The following ZNF804B variants were observed in gnomAD, a reference collection of about 807,000 sequenced individuals.
The protein encoded by ZNF804B is zinc finger 804B.
ZNF804B carries 80 observed loss-of-function variants against 101.4 expected under a neutral mutation model. The observed-to-expected ratio is 0.79, with a 90% CI of 0.66 to 0.95. ZNF804B has a LOEUF of 0.95. Among genes scored for constraint, ZNF804B ranks in the 40% least tolerant of loss-of-function variants. The pLI is 0.00. For missense variants in ZNF804B, 1,673 were observed against 1,561.9 expected (o/e 1.07, Z -1.20); for synonymous variants, 622 against 558.8 (o/e 1.11, Z -1.59).
intron 1 of ZNF804B, among the ~76,000 whole-genome samples, chr7:88,820,857 G>T (rs375257213): frequency 6.6e-6 from 1 of 152,154 alleles, no homozygotes; most frequent in Non-Finnish European, 1.5e-5. Flanking sequence ...GAATCTGCAT[G>T]GGACCCCTCA....
intron 1 of ZNF804B, among the ~76,000 whole-genome samples, chr7:89,164,517 C>A (rs1030613415): frequency 1.3e-5 from 2 of 152,110 alleles, no homozygotes; most frequent in African/African-American, 4.8e-5. Context: ...CAGGAGTTTA[C>A]ATGAAGCTCT....
At chr7:88,784,393 T>A (rs1304757904) in intron 1 of ZNF804B, among the ~76,000 whole-genome samples, 1 of 152,146 alleles carries the variant, frequency 6.6e-6, no homozygotes, top group Non-Finnish European at 1.5e-5. Context: ...TCCTGAGCTG[T>A]GTACATAGTC....
At chr7:89,033,134 C>G (rs188654084) in intron 1 of ZNF804B, among the ~76,000 whole-genome samples, 207 of 151,996 alleles carry the variant, frequency 1.4e-3, no homozygotes, top group African/African-American at 4.8e-3. Context: ...CACTCCTACT[C>G]CCCAGCCTCT....
chr7:88,996,273 A>G (rs1248765358), intron 1 of ZNF804B, among the ~76,000 whole-genome samples: 5 of 152,136 alleles, frequency 3.3e-5, no homozygotes, highest in Non-Finnish European at 4.4e-5. Context: ...TCTGCATAGA[A>G]ATAGTGACCC....
chr7:88,847,858 G>T (rs1170858406), intron 1 of ZNF804B, among the ~76,000 whole-genome samples: 2 of 152,044 alleles, frequency 1.3e-5, no homozygotes, highest in African/African-American at 4.8e-5. Flanking sequence ...GTTCTTAGTT[G>T]GTTTGTTTTC....
At chr7:89,168,516 C>T (rs1584028772) in intron 1 of ZNF804B, among the ~76,000 whole-genome samples, 1 of 151,976 alleles carries the variant, frequency 6.6e-6, no homozygotes, top group South Asian at 2.1e-4. Flanking sequence ...CCTCAAAAGT[C>T]CTAATGGGCA....
Position 89,333,959 on chromosome 7 carries a change from A to G in ZNF804B, c.977A>G (p.Lys326Arg), listed in dbSNP as rs1348717021. The part of the protein sequence containing the change: ...DSIGIHASFS[K>R]SNIHLSDVDF... ...ATTGGCATTCATGCTTCATTCTCTA[A>G]ATCTAACATTCATCTTTCAGATGTA... The change falls in exon 4 of 4, where the codon AAA becomes AGA. Residue 326 changes from lysine to arginine, a missense_variant. Physicochemically the swap from Lys to Arg is conservative, Grantham distance 26. Transcript: ENST00000333190. 4 of 1,613,448 alleles carry G rather than the reference A, an allele frequency of 2.5e-6. No individual in the cohort carries two copies. The African/African-American group carries it at 5.3e-5, about 22-fold the overall frequency.
intron 1 of ZNF804B, among the ~76,000 whole-genome samples, chr7:88,796,939 G>T (rs987782732): frequency 3.3e-5 from 5 of 152,008 alleles, no homozygotes; most frequent in Non-Finnish European, 7.4e-5. Flanking sequence ...AAAAAACTGA[G>T]CTCCCATTCT....
chr7:89,162,131 C>CGG (rs11437449), intron 1 of ZNF804B, among the ~76,000 whole-genome samples: 1 of 151,840 alleles, frequency 6.6e-6, no homozygotes, highest in Non-Finnish European at 1.5e-5. Flanking sequence ...TTTTCAGGGG[C>CGG]GGGGGGAAGT....
At chr7:89,145,175 CTAAAA>C (rs1355778309) in intron 1 of ZNF804B, among the ~76,000 whole-genome samples, 1 of 151,692 alleles carries the variant, frequency 6.6e-6, no homozygotes, top group African/African-American at 2.4e-5. Context: ...AGACTGACAT[CTAAAA>C]TGACAATATA....
At chr7:89,179,543 G>A (rs1788264812) in intron 1 of ZNF804B, among the ~76,000 whole-genome samples, 1 of 152,102 alleles carries the variant, frequency 6.6e-6, no homozygotes, top group Non-Finnish European at 1.5e-5. Context: ...TTCCTAATCT[G>A]TGGTATCTTG....
At chr7:88,921,854 A>G (rs935902963) in intron 1 of ZNF804B, among the ~76,000 whole-genome samples, 1 of 152,110 alleles carries the variant, frequency 6.6e-6, no homozygotes, top group Non-Finnish European at 1.5e-5. Context: ...TCTCTATTTT[A>G]ATTGTATCAA....
chr7:89,017,407 C>G (rs1447860429), intron 1 of ZNF804B, among the ~76,000 whole-genome samples: 3 of 152,188 alleles, frequency 2.0e-5, no homozygotes, highest in Non-Finnish European at 4.4e-5. Flanking sequence ...GCATCCCTGT[C>G]TTGTGCCAGT....
intron 2 of ZNF804B, among the ~76,000 whole-genome samples, chr7:89,230,999 T>C (rs1789184152): frequency 6.6e-6 from 1 of 152,082 alleles, no homozygotes; most frequent in South Asian, 2.1e-4. Flanking sequence ...GCAAATCCTT[T>C]ATGAGATACA....
chr7:89,013,422 C>G (rs2116197862), intron 1 of ZNF804B, among the ~76,000 whole-genome samples: 1 of 152,254 alleles, frequency 6.6e-6, no homozygotes, highest in Non-Finnish European at 1.5e-5. Context: ...AAGGTAACTT[C>G]TATATACAAT....
intron 1 of ZNF804B, among the ~76,000 whole-genome samples, chr7:89,078,845 T>C (rs1057176433): frequency 6.6e-6 from 1 of 152,006 alleles, no homozygotes; most frequent in Non-Finnish European, 1.5e-5. Flanking sequence ...TTACTCAAAA[T>C]ATTTCAAACT....
At chr7:89,118,322 C>T (rs912356555) in intron 1 of ZNF804B, among the ~76,000 whole-genome samples, 2 of 152,092 alleles carry the variant, frequency 1.3e-5, no homozygotes, top group Admixed American at 1.3e-4. Flanking sequence ...TGTCTCCATG[C>T]AGCACTATCT....
intron 1 of ZNF804B, among the ~76,000 whole-genome samples, chr7:89,090,450 GT>G (rs1404931712): frequency 1.3e-5 from 2 of 151,942 alleles, no homozygotes; most frequent in Non-Finnish European, 2.9e-5. Context: ...TAAATAAATA[GT>G]ACAATGTTTG....
At chr7:88,872,738 C>T (rs570033559) in intron 1 of ZNF804B, among the ~76,000 whole-genome samples, 130 of 149,482 alleles carry the variant, frequency 8.7e-4, no homozygotes, top group African/African-American at 3.0e-3. Context: ...TTTGTTCTTG[C>T]GATAGTTTAC....
Sources: gnomAD v4.1 joint callset for allele counts (sites outside exome capture counted in the v4.1 genomes callset) on GRCh38, gnomAD v4.1.1 for gene constraint, MANE v1.5 for transcripts, NCBI Gene and HGNC (gene_info 2026-07-23, HGNC 2026-07-21) for gene names.